Variants in MALRD1 observed in about 807,000 individuals in gnomAD.
MALRD1 encodes the protein MAM and LDL receptor class A domain containing 1.
MALRD1 carries 247 observed loss-of-function variants against 242.1 expected under a neutral mutation model. That is an observed-to-expected ratio of 1.02 (90% confidence interval 0.92 to 1.13). The LOEUF (loss-of-function observed/expected upper bound fraction) is 1.13, where lower values mean the gene tolerates loss of function less well. MALRD1 is among the 50% of genes most tolerant of loss of function. The pLI is 0.00. For synonymous variants in MALRD1, 995 were observed against 866.6 expected, an observed-to-expected ratio of 1.15 and a Z score of -2.60; for missense variants, 2,989 against 2,533.1, an observed-to-expected ratio of 1.18 and a Z score of -3.86.
chr10:19,281,266 G>A (rs1282114148), intron 20 of MALRD1, among the ~76,000 whole-genome samples: 3 of 152,176 alleles, frequency 2.0e-5, no homozygotes, highest in Non-Finnish European at 4.4e-5. Flanking sequence ...AATGGAAGGT[G>A]TGGTGGTGTT....
chr10:19,418,386 T>A (rs1364192066), intron 28 of MALRD1, among the ~76,000 whole-genome samples: 1 of 152,108 alleles, frequency 6.6e-6, no homozygotes, highest in Admixed American at 6.6e-5. Context: ...TTTTTAGGTA[T>A]GTTTTATATT....
At chr10:19,219,204 G>A (rs1433590662) in intron 18 of MALRD1, among the ~76,000 whole-genome samples, 1 of 152,078 alleles carries the variant, frequency 6.6e-6, no homozygotes, top group African/African-American at 2.4e-5. Context: ...GGAGAATAAT[G>A]TCATTTAGAC....
chr10:19,492,812 A>C (rs1256351240), intron 30 of MALRD1, among the ~76,000 whole-genome samples: 3 of 152,202 alleles, frequency 2.0e-5, no homozygotes, highest in Non-Finnish European at 4.4e-5. Context: ...GGGAAAATAC[A>C]TCAAATGTAG....
intron 26 of MALRD1, among the ~76,000 whole-genome samples, chr10:19,385,391 G>C (rs546526579): frequency 5.1e-4 from 77 of 152,022 alleles, no homozygotes; most frequent in African/African-American, 1.7e-3. Flanking sequence ...TCCTTTAATG[G>C]GAGGGTTGTT....
At chr10:19,203,314 A>C (rs1836632901) in intron 14 of MALRD1, among the ~76,000 whole-genome samples, 1 of 152,094 alleles carries the variant, frequency 6.6e-6, no homozygotes, top group East Asian at 1.9e-4. Context: ...TCACATATTA[A>C]ATTGTTTAGA....
intron 5 of MALRD1, among the ~76,000 whole-genome samples, chr10:19,107,480 T>C (rs1209212196): frequency 6.6e-6 from 1 of 151,958 alleles, no homozygotes; most frequent in African/African-American, 2.4e-5. Flanking sequence ...TTGCATGAAA[T>C]ATTTTTATTC....
At chr10:19,506,472 C>A (rs1338873766) in intron 31 of MALRD1, among the ~76,000 whole-genome samples, 1 of 152,080 alleles carries the variant, frequency 6.6e-6, no homozygotes, top group African/African-American at 2.4e-5. Flanking sequence ...CAATCAGATG[C>A]ACCTGTAGGA....
At chr10:19,581,956 T>C (rs1837149221) in intron 33 of MALRD1, among the ~76,000 whole-genome samples, 2 of 152,244 alleles carry the variant, frequency 1.3e-5, no homozygotes, top group South Asian at 2.1e-4. Context: ...TTGATTTGCA[T>C]TTCTCTGATG....
chr10:19,184,415 A>T (rs1161480343), intron 14 of MALRD1, among the ~76,000 whole-genome samples: 1 of 152,196 alleles, frequency 6.6e-6, no homozygotes, highest in Non-Finnish European at 1.5e-5. Flanking sequence ...GAGGCCAATC[A>T]AAATGCTACC....
At chr10:19,288,677 C>T (rs995461660) in intron 21 of MALRD1, among the ~76,000 whole-genome samples, 1 of 152,048 alleles carries the variant, frequency 6.6e-6, no homozygotes, top group Admixed American at 6.6e-5. Flanking sequence ...CTGTTGTGTG[C>T]CCAAGTCCTG....
chr10:19,223,719 C>T (rs1418482596), intron 18 of MALRD1, among the ~76,000 whole-genome samples: 1 of 152,138 alleles, frequency 6.6e-6, no homozygotes, highest in Non-Finnish European at 1.5e-5. Context: ...CACTGACAGG[C>T]CCCAGTGTGT....
rs370928388 is a variant in MALRD1 at position 19,666,917 on chromosome 10, T to C, written c.6138-25365T>C. ...ATCTGAGTGGAAGAGCTAGAACTTG[T>C]GTACCTGCAGAAGAAGCTATCAATG... is the stretch of plus-strand genomic sequence containing the variant. On this transcript the variant is annotated intron_variant, in intron 36 of 39. Coordinates refer to ENST00000454679, the MANE Select transcript of MALRD1 (RefSeq NM_001142308.3). Among the ~76,000 whole-genome samples, 5 of 152,144 alleles carry C rather than the reference T, an allele frequency of 3.3e-5. No homozygotes were observed. The East Asian group carries it at 9.6e-4, about 29-fold the overall frequency.
intron 28 of MALRD1, among the ~76,000 whole-genome samples, chr10:19,433,259 G>A (rs1431291854): frequency 2.6e-5 from 4 of 152,124 alleles, no homozygotes; most frequent in Admixed American, 2.6e-4. Flanking sequence ...GGTCAGTGAA[G>A]GCTCCCATGA....
intron 26 of MALRD1, among the ~76,000 whole-genome samples, chr10:19,371,962 G>C (rs1394534022): frequency 6.6e-6 from 1 of 152,010 alleles, no homozygotes; most frequent in Non-Finnish European, 1.5e-5. Context: ...AGGTCTAAAG[G>C]GTAGCTCATC....
intron 29 of MALRD1, among the ~76,000 whole-genome samples, chr10:19,467,597 C>T (rs1455334942): frequency 6.6e-6 from 1 of 151,538 alleles, no homozygotes; most frequent in Admixed American, 6.6e-5. Flanking sequence ...ATGTAATTCA[C>T]CCCACAATAA....
chr10:19,615,465 G>C (rs998399715), intron 35 of MALRD1, among the ~76,000 whole-genome samples: 3 of 121,616 alleles, frequency 2.5e-5, no homozygotes, highest in African/African-American at 9.9e-5. Context: ...GCAGTGAGCT[G>C]TGTTTATGCC....
At chr10:19,375,018 A>G (rs1255855391) in intron 26 of MALRD1, among the ~76,000 whole-genome samples, 1 of 152,160 alleles carries the variant, frequency 6.6e-6, no homozygotes, top group Non-Finnish European at 1.5e-5. Context: ...ACAAAGTGAA[A>G]TGGGCCATGG....
At chr10:19,246,172 T>C (rs1337261759) in intron 18 of MALRD1, among the ~76,000 whole-genome samples, 1 of 152,162 alleles carries the variant, frequency 6.6e-6, no homozygotes, top group Non-Finnish European at 1.5e-5. Context: ...CAGACCTCTC[T>C]CCCTCTACTT....
chr10:19,330,439 G>C (rs1349091055), intron 23 of MALRD1, among the ~76,000 whole-genome samples: 1 of 151,864 alleles, frequency 6.6e-6, no homozygotes, highest in East Asian at 1.9e-4. Flanking sequence ...TAAATATTTT[G>C]TACAAAATCA....
Sources: allele counts gnomAD v4.1 joint callset (sites outside exome capture counted in the v4.1 genomes callset), GRCh38; gene constraint gnomAD v4.1.1; transcripts MANE v1.5; gene names NCBI Gene and HGNC (gene_info 2026-07-23, HGNC 2026-07-21).